The following ACSS2 variants were observed in gnomAD, a reference collection of about 807,000 sequenced individuals.
ACSS2 encodes acetyl-coenzyme A synthetase, cytoplasmic.
A neutral mutation model predicts 90.6 loss-of-function variants in ACSS2; 58 were observed. The observed-to-expected ratio is 0.64, with a 90% CI of 0.52 to 0.80. ACSS2 has a LOEUF of 0.80. Among genes scored for constraint, ACSS2 ranks in the 30% least tolerant of loss-of-function variants. ACSS2 has a pLI of 0.00. For missense variants in ACSS2, 759 were observed against 912.0 expected (o/e 0.83, Z 2.16); for synonymous variants, 300 against 330.9 (o/e 0.91, Z 1.01).
chr20:34,906,102 G>A (rs890047886), intron 2 of ACSS2, among the ~76,000 whole-genome samples: 11 of 152,166 alleles, frequency 7.2e-5, no homozygotes, highest in South Asian at 2.1e-4. Context: ...TTGGGAGGCC[G>A]AGGCGGGTGG....
intron 11 of ACSS2, 24 bp downstream of exon 11, chr20:34,921,486 G>T: frequency 6.2e-7 from 1 of 1,614,016 alleles, no homozygotes; most frequent in South Asian, 1.1e-5. Flanking sequence ...ACAGAAGGCT[G>T]GGGCCCAGGG....
Position 34,921,511 on chromosome 20 carries a change from T to G in ACSS2, c.1411-33T>G, listed in dbSNP as rs369400746. ...GGGGCCCAGGGACAATGTGGGAAGA[T>G]TGACTCAAATTTCTCATCTCTGACT... On this transcript the variant is annotated intron_variant, in intron 11 of 17. Transcript: ENST00000360596. The G allele has an allele frequency of 2.5e-6, 4 of 1,614,036 alleles. No homozygotes were observed. In the Admixed American group the frequency reaches 5.0e-5, roughly 20 times the overall value.
At chr20:34,880,580 A>T (rs2080047691) in intron 1 of ACSS2, among the ~76,000 whole-genome samples, 1 of 151,916 alleles carries the variant, frequency 6.6e-6, no homozygotes, top group South Asian at 2.1e-4. Flanking sequence ...AAAAAAAAAA[A>T]GTTTTATGGC....
chr20:34,926,869 G>A lies in ACSS2; in HGVS notation c.1904-8G>A. The A allele has an allele frequency of 1.2e-6, 2 of 1,613,960 alleles. No individual in the cohort carries two copies. Among genetic ancestry groups the A allele is most frequent in the South Asian group, 1.1e-5 (1 of 91,074 alleles). ...CTGAAGAAATGCTTGATGATTTGTT[G>A]GTTACAGTTAGAGAAAAGATTGGCC... On this transcript the variant is annotated splice_region_variant and splice_polypyrimidine_tract_variant and intron_variant, in intron 16 of 17. Coordinates refer to ENST00000360596, the MANE Select transcript of ACSS2 (RefSeq NM_018677.4).
In ACSS2 at chr20:34,914,166, G is replaced by T; in HGVS notation, c.714G>T (p.Gln238His). Residue 238 changes from glutamine to histidine, a missense_variant, in exon 6 of 18, where the codon CAG (glutamine) becomes CAT (histidine). By Grantham distance (24) the Gln-to-His change is conservative (BLOSUM62 0). Coordinates refer to ENST00000360596, the MANE Select transcript of ACSS2 (RefSeq NM_018677.4). ...ELADEALQKC[Q>H]EKGFPVRCCI... ...CTGACGAGGCCCTGCAGAAGTGTCA[G>T]GAGAAGTAAGTGTGTTTGGCTACTG... The T allele has an allele frequency of 6.2e-7, 1 of 1,614,182 alleles. No individual in the cohort carries two copies. The highest frequency in any genetic ancestry group is 2.2e-5 in the East Asian group (1 of 44,888).
At chr20:34,888,599 G>A (rs567336674) in intron 2 of ACSS2, among the ~76,000 whole-genome samples, 13 of 152,314 alleles carry the variant, frequency 8.5e-5, no homozygotes, top group African/African-American at 3.1e-4. Flanking sequence ...TGAGGAGACA[G>A]ACAATAAACA....
At chr20:34,920,955 A>G (rs760701797) in intron 9 of ACSS2, 51 bp from the exon 10 acceptor site, 2 of 1,610,398 alleles carry the variant, frequency 1.2e-6, no homozygotes, top group South Asian at 2.2e-5. Flanking sequence ...TAGGGGGATG[A>G]ATAGAAGGAC....
intron 9 of ACSS2, 54 bp downstream of exon 9, chr20:34,920,763 G>A: frequency 1.3e-6 from 2 of 1,566,240 alleles, no homozygotes; most frequent in Non-Finnish European, 8.7e-7. Flanking sequence ...TATCCTGGGT[G>A]ACTACCTCCC....
chr20:34,913,518 A>G (rs1568990572), intron 4 of ACSS2, 22 bp downstream of exon 4: 1 of 1,604,406 alleles, frequency 6.2e-7, no homozygotes, highest in Admixed American at 1.7e-5. Flanking sequence ...GGCTGGTGAA[A>G]AGGGGCAGGC....
chr20:34,914,403 C>G lies in ACSS2; in HGVS notation c.800C>G (p.Ser267Cys), dbSNP rs1052317790. 5 of 1,613,336 alleles carry G rather than the reference C, an allele frequency of 3.1e-6. No homozygotes were observed. The highest frequency in any genetic ancestry group is 4.2e-6 in the Non-Finnish European group (5 of 1,179,690). ...ELGMGDSTSQSPPIKRSCPDV... is the reference protein window; with the variant it reads ...ELGMGDSTSQCPPIKRSCPDV... Reference sequence around the variant, plus strand: ...GGCATGGGTGACTCCACCAGCCAGTCCCCCCCAATTAAGAGGTCATGCCCA... The same window carrying G: ...GGCATGGGTGACTCCACCAGCCAGTGCCCCCCAATTAAGAGGTCATGCCCA... The change falls in exon 7 of 18, where the codon TCC becomes TGC. Residue 267 changes from serine (S) to cysteine (C), a missense_variant. Transcript: ENST00000360596.
At chr20:34,917,748 T>C (rs1390538573) in intron 7 of ACSS2, among the ~76,000 whole-genome samples, 3 of 150,400 alleles carry the variant, frequency 2.0e-5, no homozygotes, top group Non-Finnish European at 4.5e-5. Context: ...TTTTTGTTGT[T>C]TTTGTTTTTG....
At chr20:34,926,326 G>A (rs762545334) in intron 16 of ACSS2, 45 bp downstream of exon 16, 1 of 1,583,116 alleles carries the variant, frequency 6.3e-7, no homozygotes, top group East Asian at 2.2e-5. Flanking sequence ...TGTCTTGGAG[G>A]CCCAGTTATC....
rs71299220 is a variant in ACSS2 at position 34,889,006 on chromosome 20, C to CTT, written c.374+6032_374+6033dup. Among the ~76,000 whole-genome samples, 274 of 141,872 alleles carry CTT rather than the reference C, an allele frequency of 1.9e-3. 1 individual carries two copies. Among genetic ancestry groups the CTT allele is most frequent in the Middle Eastern group, 7.4e-3 (2 of 270 alleles). 93.1% of individuals were successfully genotyped at this position (141,872 alleles called of 152,430 possible). A position where few individuals can be genotyped will look rare whatever the true frequency, so the allele number is the denominator to read the frequency against. ...GTAAAATGGGAAACCACTAGACAAT[C>CTT]TTTTTTTTTTTTTTTTGAGACAGAG... On this transcript the variant is annotated intron_variant, in intron 2 of 17. Coordinates refer to ENST00000360596, the MANE Select transcript of ACSS2 (RefSeq NM_018677.4).
intron 2 of ACSS2, among the ~76,000 whole-genome samples, chr20:34,911,635 A>AT (rs1172589706): frequency 6.6e-6 from 1 of 152,056 alleles, no homozygotes; most frequent in Admixed American, 6.5e-5. Flanking sequence ...AAGATAGTAT[A>AT]TTTTTTAAAA....
chr20:34,912,975 C>T (rs2080995719), intron 2 of ACSS2, 121 bp from the exon 3 acceptor site: 2 of 785,350 alleles, frequency 2.5e-6, no homozygotes, highest in East Asian at 4.9e-5. Flanking sequence ...GGGCAGATAG[C>T]TCATCCTCAT....
At chr20:34,914,522 C>A in intron 7 of ACSS2, 85 bp downstream of exon 7, 1 of 1,210,174 alleles carries the variant, frequency 8.3e-7, no homozygotes, top group Admixed American at 2.4e-5. Flanking sequence ...CCTTCTTTGC[C>A]TGCTCATCAG....
chr20:34,887,053 C>G (rs1427588956), intron 2 of ACSS2, among the ~76,000 whole-genome samples: 1 of 152,168 alleles, frequency 6.6e-6, no homozygotes, highest in Non-Finnish European at 1.5e-5. Context: ...TGGCCTTTTA[C>G]TTTTGGCTTG....
intron 1 of ACSS2, 86 bp downstream of exon 1, chr20:34,876,909 C>A: frequency 1.1e-6 from 1 of 878,158 alleles, no homozygotes; most frequent in Non-Finnish European, 1.5e-6. Flanking sequence ...CCTTGGGAAG[C>A]TGAGGGGTGG....
At position 34,876,698 on chromosome 20, in the gene ACSS2, A is replaced by G; in HGVS notation, c.53A>G (p.Glu18Gly). ...AGCGGCAGCGGGAGCCGGGGCCAGG[A>G]GGAAGCTGGAGCCGGAGGCCGGGCG... The part of the protein sequence containing the change: ...VRSGSGSRGQ[E>G]EAGAGGRARS... The change falls in exon 1 of 18, where the codon GAG becomes GGG. Residue 18 changes from glutamate (E) to glycine (G), a missense_variant. Physicochemically the swap from Glu to Gly is moderately conservative, Grantham distance 98. Transcript: ENST00000360596. 7.0e-7 allele frequency: 1 copy of G among 1,436,066 alleles called. No homozygotes were observed. Among genetic ancestry groups the G allele is most frequent in the Non-Finnish European group, 9.2e-7 (1 of 1,086,204 alleles). The allele number at this position is 1,436,066 out of a possible 1,614,324, so 89.0% of individuals were successfully genotyped here.
Sources: gnomAD v4.1 joint callset for allele counts (sites outside exome capture counted in the v4.1 genomes callset) on GRCh38, gnomAD v4.1.1 for gene constraint, MANE v1.5 for transcripts, NCBI Gene and HGNC (gene_info 2026-07-23, HGNC 2026-07-21) for gene names.